The following CSMD1 variants were observed in gnomAD, a reference collection of about 807,000 sequenced individuals.
The protein encoded by CSMD1 is CUB and Sushi multiple domains 1, also known as CUB and sushi domain-containing protein 1.
In CSMD1, 213 loss-of-function variants were observed where a neutral mutation model predicts 417.5. That is an observed-to-expected ratio of 0.51 (90% CI 0.46 to 0.57). CSMD1 has a LOEUF of 0.57. Among genes scored for constraint, CSMD1 ranks in the 20% least tolerant of loss-of-function variants. CSMD1 has a pLI of 0.00. For synonymous variants in CSMD1, 2,862 were observed against 1,736.8 expected, an observed-to-expected ratio of 1.65 and a Z score of -16.11; for missense variants, 6,923 against 4,529.7, an observed-to-expected ratio of 1.53 and a Z score of -15.17.
Position 4,690,778 on chromosome 8 carries a change from G to T in CSMD1, c.86-53220C>A, listed in dbSNP as rs556547327. Among the ~76,000 whole-genome samples the T allele has an allele frequency of 5.4e-4, 82 of 152,220 alleles. 2 individuals carry two copies. The Middle Eastern group carries it at 0.024, about 44-fold the overall frequency. ...AGAATCTCACTCTGTCACCAGGCTG[G>T]AGTTCACTGGTGCGATCTCGGCTCA... On this transcript the variant is annotated intron_variant, in intron 1 of 69. Coordinates refer to ENST00000635120, the MANE Select transcript of CSMD1 (RefSeq NM_033225.6).
intron 5 of CSMD1, among the ~76,000 whole-genome samples, chr8:3,847,839 G>C (rs952087045): frequency 2.0e-5 from 3 of 152,128 alleles, no homozygotes; most frequent in African/African-American, 7.2e-5. Flanking sequence ...GACTGATTTA[G>C]ATGTATTTGC....
intron 1 of CSMD1, among the ~76,000 whole-genome samples, chr8:4,777,397 T>A (rs1441651422): frequency 6.6e-6 from 1 of 152,146 alleles, no homozygotes; most frequent in Non-Finnish European, 1.5e-5. Context: ...GAGAGAGATG[T>A]CTCAGGGGGA....
At chr8:4,175,944 A>T (rs767839808) in intron 3 of CSMD1, among the ~76,000 whole-genome samples, 9 of 152,074 alleles carry the variant, frequency 5.9e-5, no homozygotes, top group Non-Finnish European at 1.2e-4. Flanking sequence ...TGCTGTCGAC[A>T]TTGGTGGCAT....
intron 3 of CSMD1, among the ~76,000 whole-genome samples, chr8:4,262,548 T>C (rs779105): frequency 0.69 from 104,986 of 152,052 alleles, 40,429 homozygotes; most frequent in Non-Finnish European, 0.86. Context: ...GATCATGCAT[T>C]TGAAATGCTC....
chr8:4,826,289 G>C (rs187752350), intron 1 of CSMD1, among the ~76,000 whole-genome samples: 2 of 151,610 alleles, frequency 1.3e-5, no homozygotes, highest in Non-Finnish European at 2.9e-5. Flanking sequence ...ACACACATAC[G>C]TATATGTATG....
chr8:4,967,409 T>C (rs961015154), intron 1 of CSMD1, among the ~76,000 whole-genome samples: 1 of 152,148 alleles, frequency 6.6e-6, no homozygotes, highest in South Asian at 2.1e-4. Context: ...TACATATTGA[T>C]AAATAACTAC....
chr8:3,958,794 G>T (rs1270155875), intron 5 of CSMD1, among the ~76,000 whole-genome samples: 10 of 152,190 alleles, frequency 6.6e-5, no homozygotes, highest in Non-Finnish European at 1.5e-4. Context: ...CGACATTATG[G>T]CTTTATCTAT....
chr8:3,254,393 C>T (rs111908686), intron 26 of CSMD1, among the ~76,000 whole-genome samples: 13,323 of 152,204 alleles, frequency 0.088, 797 homozygotes, highest in Non-Finnish European at 0.13. Context: ...GTGGCATTCT[C>T]TGTATTTCCT....
At chr8:3,552,386 G>C (rs983424637) in intron 10 of CSMD1, among the ~76,000 whole-genome samples, 1 of 152,002 alleles carries the variant, frequency 6.6e-6, no homozygotes, top group Non-Finnish European at 1.5e-5. Context: ...CATTTTGTAA[G>C]CATTACATGC....
At chr8:3,028,619 G>A (rs184530278) in intron 51 of CSMD1, among the ~76,000 whole-genome samples, 13 of 152,278 alleles carry the variant, frequency 8.5e-5, no homozygotes, top group African/African-American at 2.9e-4. Flanking sequence ...TCTATTAAAA[G>A]TTGAATTAAA....
At chr8:3,472,661 G>T (rs1001471591) in intron 11 of CSMD1, among the ~76,000 whole-genome samples, 17 of 152,012 alleles carry the variant, frequency 1.1e-4, no homozygotes, top group Admixed American at 1.1e-3. Flanking sequence ...TATAGTCAGT[G>T]TATTTTTCCT....
At chr8:3,182,383 T>A (rs909203406) in intron 36 of CSMD1, among the ~76,000 whole-genome samples, 1 of 152,034 alleles carries the variant, frequency 6.6e-6, no homozygotes, top group Non-Finnish European at 1.5e-5. Context: ...TCCTGCTAAG[T>A]TTTGTATTTT....
At chr8:3,337,640 G>C (rs554187116) in intron 23 of CSMD1, among the ~76,000 whole-genome samples, 2 of 152,088 alleles carry the variant, frequency 1.3e-5, no homozygotes, top group African/African-American at 4.8e-5. Context: ...GAGGTCCATG[G>C]CCTTAAGCTC....
intron 37 of CSMD1, among the ~76,000 whole-genome samples, chr8:3,172,425 C>A (rs1820634282): frequency 6.6e-6 from 1 of 152,148 alleles, no homozygotes; most frequent in African/African-American, 2.4e-5. Context: ...CATCTCAGAA[C>A]CCCGCCAATT....
At chr8:4,828,489 T>G (rs567603721) in intron 1 of CSMD1, among the ~76,000 whole-genome samples, 1 of 152,092 alleles carries the variant, frequency 6.6e-6, no homozygotes, top group Non-Finnish European at 1.5e-5. Context: ...TCTGAGTGTC[T>G]TGGGGTAAGA....
intron 33 of CSMD1, among the ~76,000 whole-genome samples, chr8:3,196,519 G>C (rs1296840547): frequency 6.6e-6 from 1 of 152,078 alleles, no homozygotes; most frequent in Non-Finnish European, 1.5e-5. Flanking sequence ...CCCCTTTCTG[G>C]TAACAAAACC....
At chr8:3,159,918 C>T (rs753978552) in intron 38 of CSMD1, among the ~76,000 whole-genome samples, 2 of 152,146 alleles carry the variant, frequency 1.3e-5, no homozygotes, top group African/African-American at 2.4e-5. Flanking sequence ...TGCAAAGTCT[C>T]ACCATCAGGT....
intron 3 of CSMD1, among the ~76,000 whole-genome samples, chr8:4,101,134 C>G (rs1172150998): frequency 6.6e-6 from 1 of 152,208 alleles, no homozygotes; most frequent in Non-Finnish European, 1.5e-5. Flanking sequence ...AGGGCCTCAG[C>G]AGGACACTTA....
intron 3 of CSMD1, among the ~76,000 whole-genome samples, chr8:4,184,245 G>A (rs1798540020): frequency 6.6e-6 from 1 of 152,166 alleles, no homozygotes; most frequent in African/African-American, 2.4e-5. Flanking sequence ...TATTTATTTA[G>A]CATTCAGCAC....
Sources: gnomAD v4.1 joint callset for allele counts (sites outside exome capture counted in the v4.1 genomes callset) on GRCh38, gnomAD v4.1.1 for gene constraint, MANE v1.5 for transcripts, NCBI Gene and HGNC (gene_info 2026-07-23, HGNC 2026-07-21) for gene names.